Variants in PROSER2 observed in about 807,000 individuals in gnomAD.
PROSER2 encodes proline and serine-rich protein 2.
A neutral mutation model predicts 14.6 loss-of-function variants in PROSER2; 18 were observed. That is an observed-to-expected ratio of 1.23 (90% CI 0.85 to 1.83). The LOEUF is 1.83. Among genes scored for constraint, PROSER2 ranks in the 40% most tolerant of loss-of-function variants. The probability of loss-of-function intolerance (pLI) is 0.00; values close to 1 mark genes in which losing one functional copy is unlikely to be tolerated. For missense variants in PROSER2, 823 were observed against 629.8 expected (o/e 1.31, Z -3.28); for synonymous variants, 367 against 286.4 (o/e 1.28, Z -2.84).
chr10:11,869,888 G>A lies in PROSER2; in HGVS notation c.790G>A (p.Ala264Thr). The A allele has an allele frequency of 6.3e-7, 1 of 1,590,276 alleles. No homozygotes were observed. Among genetic ancestry groups the A allele is most frequent in the East Asian group, 2.3e-5 (1 of 43,908 alleles). ...CAACATCATCGTCACCAACGGCGCGGCCCGGGAGCCCCGCAGGACCCTGTC... is the reference window on the plus strand; with the variant it reads ...CAACATCATCGTCACCAACGGCGCGACCCGGGAGCCCCGCAGGACCCTGTC... ...PSNIIVTNGA[A>T]REPRRTLSRA... The change falls in exon 4 of 4, where the codon GCC (alanine) becomes ACC (threonine). Residue 264 changes from alanine (A) to threonine (T), a missense_variant. Coordinates refer to ENST00000277570, the MANE Select transcript of PROSER2 (RefSeq NM_153256.4). This position sits in a 1 kb window ranked among gnomAD's most constrained non-coding sequence, Gnocchi z 4.4.
intron 2 of PROSER2, among the ~76,000 whole-genome samples, chr10:11,855,328 G>C (rs1834103559): frequency 6.6e-6 from 1 of 151,778 alleles, no homozygotes; most frequent in Non-Finnish European, 1.5e-5. Context: ...AAAAAAATTA[G>C]CTGGGCGTGT....
intron 1 of PROSER2, among the ~76,000 whole-genome samples, chr10:11,846,495 T>G (rs1235656335): frequency 6.6e-6 from 1 of 152,268 alleles, no homozygotes; most frequent in Non-Finnish European, 1.5e-5. Flanking sequence ...TAGCTATATT[T>G]GATCTTCTGT....
intron 2 of PROSER2, among the ~76,000 whole-genome samples, chr10:11,859,686 C>CT (rs1834197227): frequency 6.6e-6 from 1 of 152,180 alleles, no homozygotes; most frequent in African/African-American, 2.4e-5. Flanking sequence ...CTCCAAGGAC[C>CT]ACCAGGCGAT....
intron 1 of PROSER2, among the ~76,000 whole-genome samples, chr10:11,827,792 C>G (rs546672688): frequency 9.9e-5 from 15 of 152,146 alleles, no homozygotes; most frequent in Non-Finnish European, 1.6e-4. Flanking sequence ...GATCCTCCCC[C>G]CTCAGCCTCC....
intron 1 of PROSER2, among the ~76,000 whole-genome samples, chr10:11,843,154 A>C (rs1254010100): frequency 2.7e-5 from 4 of 147,522 alleles, no homozygotes; most frequent in Admixed American, 2.0e-4. Flanking sequence ...GTTAGCCAGG[A>C]TGGTCTTGAT....
intron 1 of PROSER2, among the ~76,000 whole-genome samples, chr10:11,845,583 A>G (rs917334473): frequency 6.6e-6 from 1 of 152,138 alleles, no homozygotes; most frequent in African/African-American, 2.4e-5. Context: ...AGGGAAAGCA[A>G]CAGAGGATGG....
At chr10:11,829,453 G>C (rs115280148) in intron 1 of PROSER2, among the ~76,000 whole-genome samples, 1 of 151,774 alleles carries the variant, frequency 6.6e-6, no homozygotes, top group Non-Finnish European at 1.5e-5. Context: ...GTGTGGTAGT[G>C]TGTACCTGTA....
intron 1 of PROSER2, among the ~76,000 whole-genome samples, chr10:11,835,935 G>A (rs1289478252): frequency 1.3e-5 from 2 of 152,118 alleles, no homozygotes; most frequent in African/African-American, 2.4e-5. Flanking sequence ...ACCGTGAAAC[G>A]CTCTCATTCA....
In PROSER2 at chr10:11,852,477, C is replaced by G. The variant is rs185460161; in HGVS notation, c.138+262C>G. On this transcript the variant is annotated intron_variant, in intron 2 of 3. Transcript: ENST00000277570. The stretch of plus-strand genomic sequence containing the variant: ...GCTTAGACGTAGATAGGACCAGGCC[C>G]GGGGCAGAAACCAACCCAGGCAGGA... Among the ~76,000 whole-genome samples the G allele has an allele frequency of 2.8e-3, 428 of 152,102 alleles. 5 individuals carry two copies. Among genetic ancestry groups the G allele is most frequent in the African/African-American group, 0.01 (416 of 41,488 alleles).
In PROSER2 at chr10:11,836,969, A is replaced by G. The variant is rs1401224964; in HGVS notation, c.-82+13499A>G. Among the ~76,000 whole-genome samples, 2 of 152,170 alleles carry G rather than the reference A, an allele frequency of 1.3e-5. No individual in the cohort carries two copies. Among genetic ancestry groups the G allele is most frequent in the Non-Finnish European group, 2.9e-5 (2 of 68,032 alleles). On this transcript the variant is annotated intron_variant, in intron 1 of 3. Coordinates refer to ENST00000277570, the MANE Select transcript of PROSER2 (RefSeq NM_153256.4). This position sits in a 1 kb window ranked among gnomAD's most constrained non-coding sequence, Gnocchi z 4.6. ...TAGTGGGATGAAATGCGTCGTTCTG[A>G]TCCATTGCCTCCTGCATGCGAATCC...
In PROSER2 at chr10:11,836,872, G is replaced by A. The variant is rs2131053088; in HGVS notation, c.-82+13402G>A. On this transcript the variant is annotated intron_variant, in intron 1 of 3. Transcript: ENST00000277570. The surrounding 1 kb of genome is among the most constrained non-coding windows in gnomAD (Gnocchi z 4.6). ...GTTTCGGTTACTTGCAGTCAACCGT[G>A]GTCCAAAAATATGCGATGGAAAATT... Among the ~76,000 whole-genome samples the A allele has an allele frequency of 6.6e-6, 1 of 152,276 alleles. No individual in the cohort carries two copies. Among genetic ancestry groups the A allele is most frequent in the African/African-American group, 2.4e-5 (1 of 41,560 alleles).
At chr10:11,839,177 C>T (rs913626153) in intron 1 of PROSER2, among the ~76,000 whole-genome samples, 2 of 152,152 alleles carry the variant, frequency 1.3e-5, no homozygotes, top group Non-Finnish European at 2.9e-5. Context: ...ACCTTCTTGG[C>T]TTGAGGGCAG....
At chr10:11,859,430 AAAAC>A (rs1176335890) in intron 2 of PROSER2, among the ~76,000 whole-genome samples, 1 of 152,170 alleles carries the variant, frequency 6.6e-6, no homozygotes, top group Admixed American at 6.5e-5. Context: ...CTGTCTCAAA[AAAAC>A]AAACAAAAAA....
Position 11,869,852 on chromosome 10 carries a change from C to G in PROSER2, c.754C>G (p.Arg252Gly). 1 of 1,590,172 alleles carries G rather than the reference C, an allele frequency of 6.3e-7. No individual in the cohort carries two copies. The highest frequency in any genetic ancestry group is 8.5e-7 in the Non-Finnish European group (1 of 1,170,634). The change falls in exon 4 of 4, where the codon CGC (arginine) becomes GGC (glycine). Residue 252 changes from arginine to glycine, a missense_variant. Coordinates refer to ENST00000277570, the MANE Select transcript of PROSER2 (RefSeq NM_153256.4). This position sits in a 1 kb window ranked among gnomAD's most constrained non-coding sequence, Gnocchi z 4.4. Reference sequence around the variant, plus strand: ...CCACCCGGCGCAGCCCAAGGCACCCCGCTTCCCCAGCAACATCATCGTCAC... The same window carrying G: ...CCACCCGGCGCAGCCCAAGGCACCCGGCTTCCCCAGCAACATCATCGTCAC... Reference protein sequence around the residue: ...PSHPAQPKAPRFPSNIIVTNG... With the variant: ...PSHPAQPKAPGFPSNIIVTNG...
rs143027392 is a variant in PROSER2, at chr10:11,862,203, C to T, written c.139-4328C>T. Reference sequence around the variant, plus strand: ...AGAAAAGATCGCAGAGACATCAGTTCTCTGCAATTTGAGAAACTTTCATGC... The same window carrying T: ...AGAAAAGATCGCAGAGACATCAGTTTTCTGCAATTTGAGAAACTTTCATGC... On this transcript the variant is annotated intron_variant, in intron 2 of 3. Coordinates refer to ENST00000277570, the MANE Select transcript of PROSER2 (RefSeq NM_153256.4). This position sits in a 1 kb window ranked among gnomAD's most constrained non-coding sequence, Gnocchi z 4.2. Among the ~76,000 whole-genome samples, 24 of 152,348 alleles carry T rather than the reference C, an allele frequency of 1.6e-4. No individual in the cohort carries two copies. The East Asian group carries it at 4.4e-3, about 28-fold the overall frequency.
Position 11,870,268 on chromosome 10 carries a change from C to CGGCGCCCAGGACT in PROSER2, c.1177_1189dup (p.Arg397ProfsTer100). The CGGCGCCCAGGACT allele has an allele frequency of 1.3e-6, 2 of 1,489,362 alleles. No individual in the cohort carries two copies. Among genetic ancestry groups the CGGCGCCCAGGACT allele is most frequent in the Non-Finnish European group, 1.8e-6 (2 of 1,127,454 alleles). 92.3% of individuals were successfully genotyped at this position (1,489,362 alleles called of 1,614,324 possible). On this transcript the variant is annotated frameshift_variant, in exon 4 of 4. Transcript: ENST00000277570. LOFTEE classifies it high-confidence loss of function. ...GCTTCCCCGGGCCCCGGCAGCCCAA[C>CGGCGCCCAGGACT]GGCGCCCAGGACTGGCGCCGCGCAG...
intron 1 of PROSER2, among the ~76,000 whole-genome samples, chr10:11,839,594 A>G (rs151021010): frequency 1.3e-5 from 2 of 152,270 alleles, no homozygotes; most frequent in African/African-American, 4.8e-5. Context: ...TGAGAGGCCA[A>G]GGTGGGCAGA....
intron 1 of PROSER2, among the ~76,000 whole-genome samples, chr10:11,840,940 AAAAAAAAAAAAAAAAAT>A (rs1343950028): frequency 5.9e-5 from 4 of 68,050 alleles, no homozygotes; most frequent in Non-Finnish European, 1.1e-4. Context: ...AAAAAAAAAA[AAAAAAAAAAAAAAAAAT>A]ATATATATAT....
intron 1 of PROSER2, among the ~76,000 whole-genome samples, chr10:11,841,111 A>G (rs1833840481): frequency 6.6e-6 from 1 of 150,710 alleles, no homozygotes; most frequent in African/African-American, 2.4e-5. Context: ...TCACTATTGA[A>G]AGATTTTTGT....
Sources: gnomAD v4.1 joint callset for allele counts (sites outside exome capture counted in the v4.1 genomes callset) on GRCh38, gnomAD v4.1.1 for gene constraint, Gnocchi (gnomAD v3.1) non-coding constraint, MANE v1.5 for transcripts, NCBI Gene and HGNC (gene_info 2026-07-23, HGNC 2026-07-21) for gene names.